The following CSMD2 variants were observed in gnomAD, a reference collection of about 807,000 sequenced individuals.
The protein encoded by CSMD2 is CUB and Sushi multiple domains 2, also known as CUB and sushi domain-containing protein 2.
In CSMD2, 130 loss-of-function variants were observed where a neutral mutation model predicts 398.5. That is an observed-to-expected ratio of 0.33 (90% CI 0.28 to 0.38). CSMD2 has a LOEUF of 0.38. CSMD2 is among the 10% of genes least tolerant of loss of function. The pLI is 1.00. For missense variants in CSMD2, 3,829 were observed against 4,764.9 expected (o/e 0.80, Z 5.78); for synonymous variants, 1,828 against 1,908.5 (o/e 0.96, Z 1.10).
chr1:33,939,599 G>A (rs184552320), intron 3 of CSMD2, among the ~76,000 whole-genome samples: 11 of 152,104 alleles, frequency 7.2e-5, no homozygotes, highest in Non-Finnish European at 1.2e-4. Flanking sequence ...TTCTTCCTTC[G>A]AAATTAATGA....
chr1:33,567,496 T>TATATATATATATATATATATATA (rs61334036), intron 53 of CSMD2, 97 bp downstream of exon 53: 45 of 934,420 alleles, frequency 4.8e-5, no homozygotes, highest in African/African-American at 6.5e-5. Context: ...TATATATATA[T>TATATATATATATATATATATATA]TTAAAACAAA....
rs746967545 is a variant in CSMD2 at position 33,662,876 on chromosome 1, G to A, written c.4255+14C>T. The A allele has an allele frequency of 7.4e-6, 12 of 1,613,474 alleles. No individual in the cohort carries two copies. The South Asian group carries it at 1.1e-4, about 15-fold the overall frequency. Reference sequence around the variant, plus strand: ...GGACATGTGGAGTGGGGCTGGCAGAGGGCACGCACAGACCTGAAAATTGAA... The same window carrying A: ...GGACATGTGGAGTGGGGCTGGCAGAAGGCACGCACAGACCTGAAAATTGAA... On this transcript the variant is annotated intron_variant, in intron 26 of 70. Transcript: ENST00000373381.
rs1558301112 is a variant in CSMD2, at chr1:34,049,172, C to A, written c.405-16466G>T. On this transcript the variant is annotated intron_variant, in intron 2 of 70. Coordinates refer to ENST00000373381, the MANE Select transcript of CSMD2 (RefSeq NM_001281956.2). ...AGTGGAGGGTCAACCTGAATTACATCCAAACCATCGATATTTGCAGTTAAT... is the reference window on the plus strand; with the variant it reads ...AGTGGAGGGTCAACCTGAATTACATACAAACCATCGATATTTGCAGTTAAT... Among the ~76,000 whole-genome samples, 8 of 152,190 alleles carry A rather than the reference C, an allele frequency of 5.3e-5. No individual in the cohort carries two copies. In the South Asian group the frequency reaches 1.4e-3, roughly 28 times the overall value.
At chr1:34,101,796 CTA>C (rs2148412982) in intron 1 of CSMD2, among the ~76,000 whole-genome samples, 1 of 151,744 alleles carries the variant, frequency 6.6e-6, no homozygotes, top group Non-Finnish European at 1.5e-5. Flanking sequence ...ATCGCATGTG[CTA>C]TATATGTGTT....
At chr1:33,575,159 T>A (rs552970724) in intron 49 of CSMD2, among the ~76,000 whole-genome samples, 2 of 151,828 alleles carry the variant, frequency 1.3e-5, no homozygotes, top group Non-Finnish European at 2.9e-5. Flanking sequence ...AATCACAAAG[T>A]ATTTGAGGCT....
At position 33,613,878 on chromosome 1, in the gene CSMD2, C is replaced by G. The variant is rs867295256; in HGVS notation, c.6133+626G>C. Among the ~76,000 whole-genome samples, 8 of 152,114 alleles carry G rather than the reference C, an allele frequency of 5.3e-5. No individual in the cohort carries two copies. In the South Asian group the frequency reaches 6.2e-4, roughly 12 times the overall value. On this transcript the variant is annotated intron_variant, in intron 40 of 70. Transcript: ENST00000373381. ...GGATCACCAGCAATTACATTTTGTA[C>G]CCACACTGATGTCCTCCACACCCTG...
chr1:33,796,927 A>C (rs1457307099), intron 10 of CSMD2, among the ~76,000 whole-genome samples: 1 of 152,156 alleles, frequency 6.6e-6, no homozygotes, highest in Non-Finnish European at 1.5e-5. Flanking sequence ...TGAGACAAGG[A>C]CTGAAATAAG....
In CSMD2 at chr1:34,039,112, C is replaced by CAA. The variant is rs144212383; in HGVS notation, c.405-6407_405-6406insTT. 9.0e-3 allele frequency among the ~76,000 whole-genome samples: 1,371 copies of CAA among 152,272 alleles called. 18 individuals carry two copies. Among genetic ancestry groups the CAA allele is most frequent in the African/African-American group, 0.029 (1,210 of 41,550 alleles). On this transcript the variant is annotated intron_variant, in intron 2 of 70. Transcript: ENST00000373381. The stretch of plus-strand genomic sequence containing the variant: ...CCCAGACCAGCCTATTCTGCATGCT[C>CAA]AGAGGTCCCAGTGAAGTCACTGGTA...
intron 37 of CSMD2, among the ~76,000 whole-genome samples, chr1:33,621,022 T>C (rs968024309): frequency 1.3e-5 from 2 of 152,126 alleles, no homozygotes; most frequent in Admixed American, 6.5e-5. Flanking sequence ...TCGCAGATGG[T>C]CTAGCCAACC....
Position 33,694,265 on chromosome 1 carries a change from A to C in CSMD2, c.3926-1209T>G, listed in dbSNP as rs148788839. 3.7e-4 allele frequency among the ~76,000 whole-genome samples: 56 copies of C among 152,206 alleles called. 1 individual carries two copies. Among genetic ancestry groups the C allele is most frequent in the Admixed American group, 1.0e-3 (16 of 15,286 alleles). On this transcript the variant is annotated intron_variant, in intron 24 of 70. Coordinates refer to ENST00000373381, the MANE Select transcript of CSMD2 (RefSeq NM_001281956.2). Reference sequence around the variant, plus strand: ...GGGCCTGGGGAAGGGGACAACGGGGAGTGGCTGTTAATGGGCATGGGTTTT... The same window carrying C: ...GGGCCTGGGGAAGGGGACAACGGGGCGTGGCTGTTAATGGGCATGGGTTTT...
intron 53 of CSMD2, among the ~76,000 whole-genome samples, chr1:33,560,322 C>T (rs1658426146): frequency 6.6e-6 from 1 of 152,178 alleles, no homozygotes; most frequent in African/African-American, 2.4e-5. Context: ...TGGGCCTCCA[C>T]CTACCAGTCT....
In CSMD2 at chr1:33,537,154, C is replaced by T; in HGVS notation, c.9806-59G>A. 6.4e-7 allele frequency: 1 copy of T among 1,573,668 alleles called. No homozygotes were observed. The highest frequency in any genetic ancestry group is 8.7e-7 in the Non-Finnish European group (1 of 1,143,420). ...GTCATGGAAGCCTTCACGGCCTCATCTCACTCTGGGAAATAGGTGTAGAAA... is the reference window on the plus strand; with the variant it reads ...GTCATGGAAGCCTTCACGGCCTCATTTCACTCTGGGAAATAGGTGTAGAAA... On this transcript the variant is annotated intron_variant, in intron 61 of 70. Transcript: ENST00000373381. The surrounding 1 kb of genome is among the most constrained non-coding windows in gnomAD (Gnocchi z 4.6).
At chr1:33,611,290 C>T (rs1333080665) in intron 40 of CSMD2, 40 bp from the exon 41 acceptor site, 9 of 1,548,684 alleles carry the variant, frequency 5.8e-6, no homozygotes, top group Non-Finnish European at 8.0e-6. Context: ...CAAAGCAACA[C>T]AGTCCTGCCT....
intron 44 of CSMD2, among the ~76,000 whole-genome samples, chr1:33,596,520 G>A (rs544020953): frequency 1.3e-5 from 2 of 152,282 alleles, no homozygotes; most frequent in South Asian, 4.1e-4. Flanking sequence ...AAGGAAAGAG[G>A]TTTAGTTGAC....
At position 33,533,101 on chromosome 1, in the gene CSMD2, G is replaced by A. The variant is rs773396266; in HGVS notation, c.10120C>T (p.Arg3374Cys). 2 of 1,613,844 alleles carry A rather than the reference G, an allele frequency of 1.2e-6. No homozygotes were observed. The highest frequency in any genetic ancestry group is 1.7e-6 in the Non-Finnish European group (2 of 1,179,970). Residue 3374 changes from arginine (R) to cysteine (C), a missense_variant, in exon 64 of 71, where the codon CGC becomes TGC. Around this residue, in one of 5 missense-constraint regions of CSMD2, gnomAD observed 917 missense variants for 1,199.5 expected, o/e 0.76. Coordinates refer to ENST00000373381, the MANE Select transcript of CSMD2 (RefSeq NM_001281956.2). This position sits in a 1 kb window ranked among gnomAD's most constrained non-coding sequence, Gnocchi z 4.2. ...CAGCTGCCATCCGCCTTGCAGGTGC[G>A]GTGCTCGGAGCCACCCTTGAGGGAG... ...GFSLKGGSEH[R>C]TCKADGSWTG... is the part of the protein sequence containing the mutation.
At chr1:34,032,326 C>T (rs926047050) in intron 3 of CSMD2, among the ~76,000 whole-genome samples, 1 of 152,144 alleles carries the variant, frequency 6.6e-6, no homozygotes, top group Non-Finnish European at 1.5e-5. Context: ...CACAACAAAA[C>T]CCAGTTAAAG....
chr1:33,920,036 G>A (rs886307582), intron 4 of CSMD2, among the ~76,000 whole-genome samples: 1 of 152,168 alleles, frequency 6.6e-6, no homozygotes, highest in African/African-American at 2.4e-5. Flanking sequence ...TGGGCTATCT[G>A]GTGTTGGGAG....
chr1:34,050,489 A>C (rs1292996146), intron 2 of CSMD2, among the ~76,000 whole-genome samples: 1 of 152,202 alleles, frequency 6.6e-6, no homozygotes, highest in African/African-American at 2.4e-5. Context: ...TGGTCCTACC[A>C]TGTGAACCCT....
intron 5 of CSMD2, among the ~76,000 whole-genome samples, chr1:33,908,094 A>G (rs1302525223): frequency 6.7e-6 from 1 of 149,944 alleles, no homozygotes; most frequent in South Asian, 2.1e-4. Flanking sequence ...TCAAAAAAAA[A>G]AAAAAAAAAA....
Sources: allele counts gnomAD v4.1 joint callset (sites outside exome capture counted in the v4.1 genomes callset), GRCh38; gene constraint gnomAD v4.1.1; regional missense constraint gnomAD v4.1.1; non-coding constraint Gnocchi (gnomAD v3.1); transcripts MANE v1.5; gene names NCBI Gene and HGNC (gene_info 2026-07-23, HGNC 2026-07-21).